The following C8orf34 variants were observed in gnomAD, a reference collection of about 807,000 sequenced individuals.
C8orf34 encodes chromosome 8 open reading frame 34, also known as uncharacterized protein C8orf34.
Under a neutral mutation model 68.3 loss-of-function variants are expected in C8orf34, and 65 were observed. The ratio of observed to expected loss-of-function variants is 0.95; its 90% CI spans 0.78 to 1.17. The LOEUF is 1.17. C8orf34 is among the 50% of genes most tolerant of loss of function. The probability of loss-of-function intolerance (pLI) is 0.00; values close to 1 mark genes in which losing one functional copy is unlikely to be tolerated. For missense variants in C8orf34, 664 were observed against 655.4 expected (o/e 1.01, Z -0.14); for synonymous variants, 244 against 241.2 (o/e 1.01, Z -0.11).
intron 3 of C8orf34, among the ~76,000 whole-genome samples, chr8:68,451,191 A>G (rs928686619): frequency 6.6e-6 from 1 of 152,018 alleles, no homozygotes; most frequent in Non-Finnish European, 1.5e-5. Context: ...AATTGAGGAG[A>G]GTTAGGACCT....
At chr8:68,567,156 AG>A (rs1816616100) in intron 7 of C8orf34, among the ~76,000 whole-genome samples, 1 of 152,080 alleles carries the variant, frequency 6.6e-6, no homozygotes. Flanking sequence ...CGATTTAGGG[AG>A]GGTTCCCTCT....
chr8:68,628,517 C>G (rs112716215), intron 7 of C8orf34, among the ~76,000 whole-genome samples: 1 of 152,198 alleles, frequency 6.6e-6, no homozygotes, highest in Non-Finnish European at 1.5e-5. Flanking sequence ...GTCTAAGTCC[C>G]GATCTGTTTT....
chr8:68,514,166 G>A (rs1403680740), intron 5 of C8orf34, among the ~76,000 whole-genome samples: 2 of 152,078 alleles, frequency 1.3e-5, no homozygotes, highest in African/African-American at 2.4e-5. Context: ...TGGAAACAGG[G>A]ACTCTCGCTA....
intron 7 of C8orf34, among the ~76,000 whole-genome samples, chr8:68,536,128 A>G (rs1815457039): frequency 6.6e-6 from 1 of 151,920 alleles, no homozygotes; most frequent in Admixed American, 6.6e-5. Flanking sequence ...AGCCTGTAAT[A>G]CCAGCACTTT....
chr8:68,331,565 C>A (rs1187008723), intron 1 of C8orf34: 8 of 579,022 alleles, frequency 1.4e-5, no homozygotes, highest in Non-Finnish European at 2.5e-5. Flanking sequence ...GACAGGTGAG[C>A]TCGGGAGGGC....
At chr8:68,443,762 A>G (rs1401423718) in intron 2 of C8orf34, among the ~76,000 whole-genome samples, 1 of 152,102 alleles carries the variant, frequency 6.6e-6, no homozygotes, top group Non-Finnish European at 1.5e-5. Flanking sequence ...CATGGGTATC[A>G]TACTTTTCAG....
At chr8:68,500,549 A>T (rs1185079810) in intron 5 of C8orf34, among the ~76,000 whole-genome samples, 1 of 152,148 alleles carries the variant, frequency 6.6e-6, no homozygotes, top group Non-Finnish European at 1.5e-5. Context: ...GTGTTTAGGG[A>T]CAAAGGAGCA....
chr8:68,713,390 T>C (rs914135093), intron 9 of C8orf34, among the ~76,000 whole-genome samples: 1 of 151,180 alleles, frequency 6.6e-6, no homozygotes, highest in African/African-American at 2.4e-5. Flanking sequence ...AAAAAACTGG[T>C]TTTTGAAAAC....
chr8:68,582,326 C>T (rs77973790), intron 7 of C8orf34, among the ~76,000 whole-genome samples: 2,221 of 152,196 alleles, frequency 0.015, 52 homozygotes, highest in African/African-American at 0.051. Flanking sequence ...GTGTGGCCTT[C>T]CTTCCCTCCA....
intron 1 of C8orf34, among the ~76,000 whole-genome samples, chr8:68,417,245 T>A (rs1212621328): frequency 6.6e-6 from 1 of 152,170 alleles, no homozygotes; most frequent in Non-Finnish European, 1.5e-5. Context: ...ATTACAGAAA[T>A]TCTCATATAC....
chr8:68,331,204 T>G lies in C8orf34; in HGVS notation c.192T>G (p.Val64=). Residue 64 remains valine, a synonymous_variant, in exon 1 of 14, where the codon GTT becomes GTG. Coordinates refer to ENST00000518698, the MANE Select transcript of C8orf34 (RefSeq NM_052958.4). ...GCCCCAGTCCGGGTAAAAGGAGGGT[T>G]GTCCCCAGCGGAGGCGCACAGCCGC... ...CPGPSPGKRR[V]VPSGGAQPRV... The G allele has an allele frequency of 6.5e-7, 1 of 1,535,282 alleles. No homozygotes were observed. The highest frequency in any genetic ancestry group is 1.2e-5 in the South Asian group (1 of 84,022).
chr8:68,413,833 A>G (rs919727610), intron 1 of C8orf34, among the ~76,000 whole-genome samples: 1 of 152,168 alleles, frequency 6.6e-6, no homozygotes, highest in African/African-American at 2.4e-5. Flanking sequence ...ACATCTTTAA[A>G]AGGGCAAATG....
chr8:68,632,077 T>C (rs925046749), intron 7 of C8orf34, among the ~76,000 whole-genome samples: 17 of 152,162 alleles, frequency 1.1e-4, no homozygotes, highest in Non-Finnish European at 2.2e-4. Context: ...CAGAAGAAGA[T>C]AGGAAGATGT....
intron 8 of C8orf34, among the ~76,000 whole-genome samples, chr8:68,658,568 C>G (rs534365967): frequency 6.6e-6 from 1 of 152,300 alleles, no homozygotes; most frequent in Non-Finnish European, 1.5e-5. Flanking sequence ...TGTCCTGCCA[C>G]TTTCTCTTTG....
At chr8:68,463,973 A>T (rs1459793703) in intron 3 of C8orf34, among the ~76,000 whole-genome samples, 1 of 152,206 alleles carries the variant, frequency 6.6e-6, no homozygotes, top group East Asian at 1.9e-4. Context: ...AATAAAGGGT[A>T]TTCAATTAGG....
chr8:68,608,574 A>G (rs1470978453), intron 7 of C8orf34, among the ~76,000 whole-genome samples: 2 of 151,528 alleles, frequency 1.3e-5, no homozygotes, highest in East Asian at 3.9e-4. Flanking sequence ...ATACTAGATC[A>G]TAGGCCGAAG....
chr8:68,806,349 A>G (rs917309758), intron 12 of C8orf34, among the ~76,000 whole-genome samples: 25 of 151,994 alleles, frequency 1.6e-4, no homozygotes, highest in Non-Finnish European at 5.9e-5. Context: ...TTAGTTTGTA[A>G]TTACTGGTGG....
At chr8:68,795,387 A>G (rs1288226025) in intron 12 of C8orf34, among the ~76,000 whole-genome samples, 1 of 94,552 alleles carries the variant, frequency 1.1e-5, no homozygotes, top group Admixed American at 1.0e-4. Flanking sequence ...GTCATTTATT[A>G]TTTTTGTTTT....
intron 7 of C8orf34, among the ~76,000 whole-genome samples, chr8:68,586,645 A>G (rs903458666): frequency 1.3e-5 from 2 of 152,182 alleles, no homozygotes; most frequent in Admixed American, 6.5e-5. Context: ...AAATGTGACT[A>G]TAAGATACAG....
Sources: allele counts gnomAD v4.1 joint callset (sites outside exome capture counted in the v4.1 genomes callset), GRCh38; gene constraint gnomAD v4.1.1; transcripts MANE v1.5; gene names NCBI Gene and HGNC (gene_info 2026-07-23, HGNC 2026-07-21).